The following RYR1 variants were observed in gnomAD, a reference collection of about 807,000 sequenced individuals.
RYR1 encodes the protein ryanodine receptor 1, also known as central core disease of muscle.
RYR1 carries 342 observed loss-of-function variants against 583.5 expected under a neutral mutation model. The ratio of observed to expected loss-of-function variants is 0.59; its 90% confidence interval spans 0.54 to 0.64. RYR1 has a LOEUF of 0.64. Ranked by LOEUF, RYR1 falls within the 30% of genes least tolerant of loss-of-function variation. The pLI is 0.00. For missense variants in RYR1, 6,032 were observed against 6,917.2 expected, an observed-to-expected ratio of 0.87 and a Z score of 4.54; for synonymous variants, 2,791 against 2,822.5, an observed-to-expected ratio of 0.99 and a Z score of 0.35.
At chr19:38,457,951 C>T (rs1439848810) in intron 17 of RYR1, 100 bp from the exon 18 acceptor site, 34 of 1,243,822 alleles carry the variant, frequency 2.7e-5, no homozygotes, top group Non-Finnish European at 3.7e-5. Flanking sequence ...CCATCTCTCT[C>T]TCTCTGTCTT....
intron 22 of RYR1, among the ~76,000 whole-genome samples, 189 bp from the exon 23 acceptor site, chr19:38,464,450 T>C (rs754370349): frequency 2.6e-4 from 39 of 151,922 alleles, no homozygotes; most frequent in African/African-American, 5.3e-4. Context: ...TAGTTAGTTA[T>C]ACAGACAAGG....
At chr19:38,466,498 T>A in intron 24 of RYR1, 100 bp downstream of exon 24, 1 of 1,003,412 alleles carries the variant, frequency 1.0e-6, no homozygotes, top group Non-Finnish European at 1.4e-6. Flanking sequence ...AAATGGGCTA[T>A]ATCTTTTTTT....
At chr19:38,519,105 A>G in intron 66 of RYR1, 109 bp from the exon 67 acceptor site, 1 of 1,582,850 alleles carries the variant, frequency 6.3e-7, no homozygotes, top group South Asian at 1.1e-5. Flanking sequence ...GCTGGGGTCA[A>G]ATGGCAGCTG....
chr19:38,513,608 C>T lies in RYR1; in HGVS notation c.9472+1125C>T, dbSNP rs143023959. Among the ~76,000 whole-genome samples, 669 of 152,174 alleles carry T rather than the reference C, an allele frequency of 4.4e-3. 3 individuals are homozygous for T. The highest frequency in any genetic ancestry group is 0.015 in the African/African-American group (624 of 41,508). ...ATTGTTGGCGGGGCATGGTGGCTCA[C>T]GCCTGTAGTCCCAGCTACTTGGGAG... is the stretch of plus-strand genomic sequence containing the variant. On this transcript the variant is annotated intron_variant, in intron 63 of 105. Transcript: ENST00000359596.
chr19:38,475,375 G>C lies in RYR1; in HGVS notation c.4218G>C (p.Thr1406=). The C allele has an allele frequency of 6.2e-7, 1 of 1,613,214 alleles. No individual in the cohort carries two copies. The highest frequency in any genetic ancestry group is 8.5e-7 in the Non-Finnish European group (1 of 1,179,654). The part of the protein sequence containing the change: ...AMMTQPPATP[T]LPRLPHDVVP... ...TGACCCAGCCACCGGCCACCCCCAC[G>C]CTGCCCCGACTCCCTCACGACGTGG... Residue 1406 remains threonine, a synonymous_variant, in exon 29 of 106, where the codon ACG becomes ACC. Coordinates refer to ENST00000359596, the MANE Select transcript of RYR1 (RefSeq NM_000540.3).
chr19:38,517,559 C>G lies in RYR1; in HGVS notation c.9886C>G (p.Leu3296Val), dbSNP rs368433841. ...ERGPEAPPSA[L>V]PAGAPPPCTA... Reference sequence around the variant, plus strand: ...CGGGCCCGAGGCACCCCCTTCCGCCCTGCCCGCCGGCGCCCCCCCACCCTG... The same window carrying G: ...CGGGCCCGAGGCACCCCCTTCCGCCGTGCCCGCCGGCGCCCCCCCACCCTG... The change falls in exon 66 of 106, where the codon CTG (leucine) becomes GTG (valine). Residue 3296 changes from leucine to valine, a missense_variant. By Grantham distance (32) the Leu-to-Val change is conservative. Around this residue, in one of 11 missense-constraint regions of RYR1, gnomAD observed 1,493 missense variants for 1,715.5 expected, o/e 0.87. Transcript: ENST00000359596. The G allele has an allele frequency of 3.5e-5, 57 of 1,613,850 alleles. No homozygotes were observed. The African/African-American group carries it at 7.3e-4, about 21-fold the overall frequency.
At chr19:38,582,281 C>T (rs759403056) in intron 101 of RYR1, among the ~76,000 whole-genome samples, 2 of 152,052 alleles carry the variant, frequency 1.3e-5, no homozygotes, top group Non-Finnish European at 2.9e-5. Context: ...CCTGTAATCC[C>T]AGCTACTCGG....
intron 29 of RYR1, among the ~76,000 whole-genome samples, chr19:38,477,363 A>G (rs1968785804): frequency 6.6e-6 from 1 of 152,072 alleles, no homozygotes; most frequent in Non-Finnish European, 1.5e-5. Flanking sequence ...GGCTGGTCTC[A>G]AACTCCTGAC....
At chr19:38,569,136 G>A (rs991621842) in intron 93 of RYR1, among the ~76,000 whole-genome samples, 10 of 151,838 alleles carry the variant, frequency 6.6e-5, no homozygotes, top group African/African-American at 1.9e-4. Context: ...TCAGCCTCCC[G>A]AGTAGCTAGG....
intron 58 of RYR1, among the ~76,000 whole-genome samples, chr19:38,509,094 A>G (rs1970609416): frequency 6.6e-6 from 1 of 151,400 alleles, no homozygotes; most frequent in African/African-American, 2.4e-5. Context: ...GGAACCCCCA[A>G]ATTCCCTCCA....
At chr19:38,516,017 G>A (rs1970950823) in intron 64 of RYR1, 70 bp from the exon 65 acceptor site, 8 of 1,513,946 alleles carry the variant, frequency 5.3e-6, no homozygotes, top group South Asian at 1.2e-5. Flanking sequence ...CGTTTCTATG[G>A]AGATGGGGCT....
At position 38,500,119 on chromosome 19, in the gene RYR1, G is replaced by T; in HGVS notation, c.7323+103G>T. 9.8e-7 allele frequency: 1 copy of T among 1,024,440 alleles called. No individual in the cohort carries two copies. The highest frequency in any genetic ancestry group is 1.5e-6 in the Non-Finnish European group (1 of 672,038). 63.5% of individuals were successfully genotyped at this position (1,024,440 alleles called of 1,614,324 possible). A position where few individuals can be genotyped will look rare whatever the true frequency, so the allele number is the denominator to read the frequency against. On this transcript the variant is annotated intron_variant, in intron 45 of 105. Coordinates refer to ENST00000359596, the MANE Select transcript of RYR1 (RefSeq NM_000540.3). The surrounding 1 kb of genome is among the most constrained non-coding windows in gnomAD (Gnocchi z 5.9). ...GACACGGAGTGAGCTCCCATATGTG[G>T]GTGGTCCTGGACTAGCAATGTTGGG...
At position 38,514,971 on chromosome 19, in the gene RYR1, G is replaced by A. The variant is rs962697041; in HGVS notation, c.9473-55G>A. ...CTATTTGAGACAAGGGAGGTGGGGT[G>A]GGGAGGGCTTGTCTTGTGAGCGCAT... On this transcript the variant is annotated intron_variant, in intron 63 of 105. Coordinates refer to ENST00000359596, the MANE Select transcript of RYR1 (RefSeq NM_000540.3). The A allele has an allele frequency of 4.1e-6, 5 of 1,224,844 alleles. No homozygotes were observed. The East Asian group carries it at 1.2e-4, about 28-fold the overall frequency. The allele number at this position is 1,224,844 out of a possible 1,614,324, so 75.9% of individuals were successfully genotyped here.
chr19:38,439,131 G>T (rs867971143), intron 1 of RYR1, among the ~76,000 whole-genome samples: 1 of 152,070 alleles, frequency 6.6e-6, no homozygotes, highest in Non-Finnish European at 1.5e-5. Context: ...AAGGCCCAGA[G>T]CATAAGGCCT....
rs111316832 is a variant in RYR1 at position 38,481,992 on chromosome 19, A to G, written c.4621-1035A>G. Among the ~76,000 whole-genome samples the G allele has an allele frequency of 2.6e-4, 40 of 151,982 alleles. 4 individuals are homozygous for G. Among genetic ancestry groups the G allele is most frequent in the African/African-American group, 9.4e-4 (39 of 41,460 alleles). On this transcript the variant is annotated intron_variant, in intron 31 of 105. Coordinates refer to ENST00000359596, the MANE Select transcript of RYR1 (RefSeq NM_000540.3). ...AATCCCAGCTACTTGGGAGGCTGAG[A>G]CAGGAGAATCGCTTGAACGTGGGAG... is the stretch of plus-strand genomic sequence containing the variant.
chr19:38,563,700 G>A (rs1177688122), intron 90 of RYR1, among the ~76,000 whole-genome samples: 1 of 152,232 alleles, frequency 6.6e-6, no homozygotes, highest in African/African-American at 2.4e-5. Context: ...GAGGTCCAGA[G>A]AGTTAATTCA....
At position 38,525,520 on chromosome 19, in the gene RYR1, TC is replaced by T; in HGVS notation, c.10626+20del. Reference sequence around the variant, plus strand: ...ACGCCCTGGTGCCTGCCCAGCCCCGTCCTCGGAACCTTCCAGGATGCCGCCC... The same window carrying T: ...ACGCCCTGGTGCCTGCCCAGCCCCGTCTCGGAACCTTCCAGGATGCCGCCC... On this transcript the variant is annotated intron_variant, in intron 71 of 105. Coordinates refer to ENST00000359596, the MANE Select transcript of RYR1 (RefSeq NM_000540.3). 6.2e-7 allele frequency: 1 copy of T among 1,612,310 alleles called. No homozygotes were observed. The highest frequency in any genetic ancestry group is 1.1e-5 in the South Asian group (1 of 90,932).
At chr19:38,569,721 C>T (rs1331983922) in intron 93 of RYR1, among the ~76,000 whole-genome samples, 1 of 152,172 alleles carries the variant, frequency 6.6e-6, no homozygotes, top group Non-Finnish European at 1.5e-5. Flanking sequence ...TTACCTTGAG[C>T]AAGACACCAC....
In RYR1 at chr19:38,506,941, C is replaced by T. The variant is rs1970481401; in HGVS notation, c.8805C>T (p.Tyr2935=). ...TGAAATTCCTGCAGATGAATGGCTA[C>T]GCGGTTACAAGGCACGCGGGTTGGG... ...ELLKFLQMNG[Y]AVTRGLKDME... The change falls in exon 57 of 106, where the codon TAC becomes TAT. Residue 2935 remains tyrosine, a synonymous_variant. Transcript: ENST00000359596. 2 of 1,612,674 alleles carry T rather than the reference C, an allele frequency of 1.2e-6. No homozygotes were observed. Among genetic ancestry groups the T allele is most frequent in the Non-Finnish European group, 1.7e-6 (2 of 1,180,026 alleles).
Sources: allele counts gnomAD v4.1 joint callset (sites outside exome capture counted in the v4.1 genomes callset), GRCh38; gene constraint gnomAD v4.1.1; regional missense constraint gnomAD v4.1.1; non-coding constraint Gnocchi (gnomAD v3.1); transcripts MANE v1.5; gene names NCBI Gene and HGNC (gene_info 2026-07-23, HGNC 2026-07-21).